The following SUN3 variants were observed in gnomAD, a reference collection of about 807,000 sequenced individuals.
The protein encoded by SUN3 is SUN domain-containing protein 3.
SUN3 carries 36 observed loss-of-function variants against 48.2 expected under a neutral mutation model. That is an observed-to-expected ratio of 0.75 (90% CI 0.57 to 0.99). The LOEUF is 0.99. SUN3 is among the 50% of genes least tolerant of loss of function. SUN3 has a pLI of 0.00. For synonymous variants in SUN3, 148 were observed against 147.9 expected, an observed-to-expected ratio of 1.00 and a Z score of 0.00; for missense variants, 419 against 433.1, an observed-to-expected ratio of 0.97 and a Z score of 0.29.
intron 8 of SUN3, among the ~76,000 whole-genome samples, chr7:47,991,949 G>C (rs1378129159): frequency 6.6e-6 from 1 of 152,078 alleles, no homozygotes; most frequent in African/African-American, 2.4e-5. Flanking sequence ...CACTGCCGGC[G>C]CCGCCCCAGA....
At chr7:48,029,143 T>A, upstream of SUN3, 1 of 664,984 alleles carries the variant, frequency 1.5e-6, no homozygotes, top group Non-Finnish European at 2.4e-6. Context: ...TGACACCTCA[T>A]AATGCAGATG....
chr7:48,015,933 G>A (rs1436006311), intron 3 of SUN3, among the ~76,000 whole-genome samples: 1 of 152,128 alleles, frequency 6.6e-6, no homozygotes, highest in Non-Finnish European at 1.5e-5. Flanking sequence ...CTTGCTTGGG[G>A]ACCAATCTGC....
chr7:48,009,666 C>T (rs866924316), intron 3 of SUN3, among the ~76,000 whole-genome samples: 12 of 151,990 alleles, frequency 7.9e-5, no homozygotes, highest in Non-Finnish European at 1.5e-4. Context: ...CTGGTATGGA[C>T]GGTCTTGGTG....
chr7:48,017,438 G>A (rs945405800), intron 2 of SUN3, 73 bp from the exon 3 acceptor site: 7 of 829,466 alleles, frequency 8.4e-6, no homozygotes, highest in Non-Finnish European at 1.2e-5. Context: ...GTATTCATAA[G>A]AATTTCCCTA....
chr7:48,000,840 C>T (rs1424329417), intron 6 of SUN3, among the ~76,000 whole-genome samples: 1 of 148,668 alleles, frequency 6.7e-6, no homozygotes, highest in Admixed American at 6.7e-5. Context: ...TTCTGATTTG[C>T]CATGCTTTTT....
intron 9 of SUN3, among the ~76,000 whole-genome samples, chr7:47,987,756 AC>A (rs1300687167): frequency 4.6e-5 from 7 of 151,994 alleles, no homozygotes; most frequent in African/African-American, 1.7e-4. Context: ...CTGGTCTTGA[AC>A]TCCAGGGCTC....
At chr7:48,001,878 C>T (rs761531217) in intron 6 of SUN3, among the ~76,000 whole-genome samples, 53 of 152,168 alleles carry the variant, frequency 3.5e-4, no homozygotes, top group Non-Finnish European at 3.7e-4. Flanking sequence ...GCAGTGAACA[C>T]ATGCATGCAT....
chr7:48,015,183 G>A (rs1403918927), intron 3 of SUN3, among the ~76,000 whole-genome samples: 2 of 152,178 alleles, frequency 1.3e-5, no homozygotes, highest in African/African-American at 2.4e-5. Flanking sequence ...GCTCATCTCT[G>A]CTTTTCTGGT....
At chr7:47,993,099 G>T (rs1020567334) in intron 8 of SUN3, among the ~76,000 whole-genome samples, 1 of 151,978 alleles carries the variant, frequency 6.6e-6, no homozygotes, top group Non-Finnish European at 1.5e-5. Flanking sequence ...AAAATGTAAA[G>T]CAATTATTAC....
chr7:48,016,211 C>T (rs966612275), intron 3 of SUN3, among the ~76,000 whole-genome samples: 6 of 152,158 alleles, frequency 3.9e-5, no homozygotes, highest in Non-Finnish European at 8.8e-5. Context: ...TGACTCTCTA[C>T]GATTCCATCT....
At chr7:48,012,978 A>G (rs1789722880) in intron 3 of SUN3, among the ~76,000 whole-genome samples, 1 of 152,252 alleles carries the variant, frequency 6.6e-6, no homozygotes, top group African/African-American at 2.4e-5. Flanking sequence ...CTTGGACTTC[A>G]CAGCCTCCAG....
At chr7:47,991,088 AAAAC>A (rs934984372) in intron 8 of SUN3, 2 of 452,960 alleles carry the variant, frequency 4.4e-6, no homozygotes, top group East Asian at 7.0e-5. Flanking sequence ...ACAACAAAAC[AAAAC>A]AAACCAAAAA....
Position 47,988,783 on chromosome 7 carries a change from A to G in SUN3, c.954+5T>C. 1 of 1,583,492 alleles carries G rather than the reference A, an allele frequency of 6.3e-7. No individual in the cohort carries two copies. Among genetic ancestry groups the G allele is most frequent in the South Asian group, 1.1e-5 (1 of 88,920 alleles). ...ACTCATATCATTTCCCAGAGCATAC[A>G]TTACCTGGAGTTCAAATGTTTGAAC... On this transcript the variant is annotated splice_donor_5th_base_variant and intron_variant, in intron 9 of 9. Coordinates refer to ENST00000297325, the MANE Select transcript of SUN3 (RefSeq NM_001030019.2).
chr7:47,991,740 G>A (rs1486583679), intron 8 of SUN3, among the ~76,000 whole-genome samples: 1 of 152,176 alleles, frequency 6.6e-6, no homozygotes, highest in Non-Finnish European at 1.5e-5. Context: ...GACTTAAGCG[G>A]CAGGTTCCCA....
At chr7:48,011,455 C>A (rs1178576007) in intron 3 of SUN3, among the ~76,000 whole-genome samples, 2 of 152,156 alleles carry the variant, frequency 1.3e-5, no homozygotes, top group African/African-American at 4.8e-5. Context: ...ACTTCTTATA[C>A]GTTCTCCTCA....
At chr7:48,005,042 T>C (rs1789485772) in intron 6 of SUN3, among the ~76,000 whole-genome samples, 3 of 152,246 alleles carry the variant, frequency 2.0e-5, no homozygotes, top group African/African-American at 7.2e-5. Context: ...TCACTCTGCA[T>C]GTGCTACTCT....
chr7:48,035,073 A>G, the SUN3 span, among the ~76,000 whole-genome samples: 1 of 152,050 alleles, frequency 6.6e-6, no homozygotes, highest in Non-Finnish European at 1.5e-5. The surrounding 1 kb of genome is among the most constrained non-coding windows in gnomAD (Gnocchi z 4.0). Context: ...TTTATGTTTT[A>G]TTTTTGTATA....
At chr7:48,029,176 T>A, upstream of SUN3, 3 of 492,342 alleles carry the variant, frequency 6.1e-6, no homozygotes, top group South Asian at 6.7e-5. Flanking sequence ...AGCCAGGGCA[T>A]GGACAGGCAA....
At chr7:48,004,290 A>G (rs1180731386) in intron 6 of SUN3, among the ~76,000 whole-genome samples, 1 of 152,200 alleles carries the variant, frequency 6.6e-6, no homozygotes, top group Non-Finnish European at 1.5e-5. Flanking sequence ...GACATACTGA[A>G]TATTATACTG....
Sources: gnomAD v4.1 joint callset for allele counts (sites outside exome capture counted in the v4.1 genomes callset) on GRCh38, gnomAD v4.1.1 for gene constraint, Gnocchi (gnomAD v3.1) non-coding constraint, MANE v1.5 for transcripts, NCBI Gene and HGNC (gene_info 2026-07-23, HGNC 2026-07-21) for gene names.